Variants in KCNMA1 observed in about 807,000 individuals in gnomAD.
The protein encoded by KCNMA1 is potassium calcium-activated channel subfamily M alpha 1, also known as Calcium-activated potassium channel subunit alpha-1.
Under a neutral mutation model 140.0 loss-of-function variants are expected in KCNMA1, and 29 were observed. The observed-to-expected ratio is 0.21, with a 90% CI of 0.15 to 0.28. KCNMA1 has a LOEUF of 0.28. KCNMA1 is among the 10% of genes least tolerant of loss of function. The pLI is 1.00. For missense variants in KCNMA1, 880 were observed against 1,602.2 expected (o/e 0.55, Z 7.70); for synonymous variants, 612 against 611.9 (o/e 1.00, Z 0.00).
intron 1 of KCNMA1, among the ~76,000 whole-genome samples, chr10:77,525,355 C>T (rs775364350): frequency 6.6e-6 from 1 of 152,166 alleles, no homozygotes; most frequent in Non-Finnish European, 1.5e-5. Context: ...CTTCCAGATG[C>T]CTTGAGGCTT....
intron 2 of KCNMA1, among the ~76,000 whole-genome samples, chr10:77,381,873 G>C (rs1603448950): frequency 2.0e-5 from 3 of 152,262 alleles, no homozygotes; most frequent in African/African-American, 7.2e-5. Context: ...AAGGATGCTG[G>C]GCAACCCGGC....
In KCNMA1 at chr10:77,365,553, C is replaced by T. The variant is rs905178626; in HGVS notation, c.540+38309G>A. Among the ~76,000 whole-genome samples, 50 of 152,156 alleles carry T rather than the reference C, an allele frequency of 3.3e-4. 1 individual carries two copies. Among genetic ancestry groups the T allele is most frequent in the Admixed American group, 3.0e-3 (46 of 15,280 alleles). ...TTGGAGCAGGTGATAGTGTGGCTCC[C>T]GACAGGCTAGCCACTTTACAAGGAT... On this transcript the variant is annotated intron_variant, in intron 2 of 27. Coordinates refer to ENST00000286628, the MANE Select transcript of KCNMA1 (RefSeq NM_001161352.2).
intron 23 of KCNMA1, among the ~76,000 whole-genome samples, chr10:76,917,616 G>A (rs2053511488): frequency 6.6e-6 from 1 of 152,030 alleles, no homozygotes; most frequent in Admixed American, 6.5e-5. Context: ...TATGGTAGGT[G>A]TCCAAAGACA....
At chr10:77,179,139 G>A (rs1373463833) in intron 5 of KCNMA1, among the ~76,000 whole-genome samples, 2 of 152,114 alleles carry the variant, frequency 1.3e-5, no homozygotes, top group Non-Finnish European at 2.9e-5. Flanking sequence ...ACATTACCTC[G>A]GTGAATCCCT....
intron 1 of KCNMA1, among the ~76,000 whole-genome samples, chr10:77,609,915 G>A (rs192050856): frequency 5.4e-4 from 83 of 152,294 alleles, no homozygotes; most frequent in Non-Finnish European, 8.5e-4. Context: ...TTCCATAGCA[G>A]AAGCTGCAAG....
intron 19 of KCNMA1, chr10:76,995,588 T>C (rs531730874): frequency 4.2e-6 from 2 of 470,828 alleles, no homozygotes; most frequent in South Asian, 1.5e-5. Context: ...CCTGAGATAG[T>C]GGAGGAGGAT....
At chr10:77,315,910 G>A (rs550940196) in intron 2 of KCNMA1, among the ~76,000 whole-genome samples, 6 of 152,084 alleles carry the variant, frequency 3.9e-5, no homozygotes, top group South Asian at 2.1e-4. Context: ...GGTTCTCTGT[G>A]GGCAGGGACC....
chr10:76,906,656 G>C (rs1356471987), intron 25 of KCNMA1, among the ~76,000 whole-genome samples: 1 of 152,200 alleles, frequency 6.6e-6, no homozygotes, highest in Non-Finnish European at 1.5e-5. Context: ...TTGCTTATGA[G>C]TGAATGCCTG....
intron 1 of KCNMA1, among the ~76,000 whole-genome samples, chr10:77,496,986 T>C (rs2042188594): frequency 6.6e-6 from 1 of 152,166 alleles, no homozygotes; most frequent in South Asian, 2.1e-4. Context: ...CACCACCCTC[T>C]ACTCTGCTGA....
At chr10:77,530,840 T>G (rs1157222640) in intron 1 of KCNMA1, among the ~76,000 whole-genome samples, 2 of 152,184 alleles carry the variant, frequency 1.3e-5, no homozygotes, top group Non-Finnish European at 2.9e-5. Flanking sequence ...ATTGTCTCGA[T>G]TTTTTCAAAT....
intron 1 of KCNMA1, among the ~76,000 whole-genome samples, chr10:77,453,399 C>G (rs1458501916): frequency 1.3e-5 from 2 of 149,928 alleles, no homozygotes; most frequent in Non-Finnish European, 3.0e-5. Flanking sequence ...ATAATCTTAT[C>G]TCACCATTCA....
chr10:76,977,947 A>G, intron 19 of KCNMA1: 1 of 370,356 alleles, frequency 2.7e-6, no homozygotes, highest in Non-Finnish European at 4.9e-6. Context: ...AGCCCCGTAC[A>G]AGACAACAGA....
intron 1 of KCNMA1, among the ~76,000 whole-genome samples, chr10:77,584,230 A>T (rs1407698655): frequency 6.6e-6 from 1 of 152,186 alleles, no homozygotes; most frequent in Non-Finnish European, 1.5e-5. Flanking sequence ...GGGCCTTGGT[A>T]TTCACTACCC....
At chr10:77,182,182 T>C (rs12262785) in intron 5 of KCNMA1, among the ~76,000 whole-genome samples, 7,283 of 152,260 alleles carry the variant, frequency 0.048, 476 homozygotes, top group East Asian at 0.24. Flanking sequence ...CCTGGAACTA[T>C]TGATAGAATT....
intron 5 of KCNMA1, among the ~76,000 whole-genome samples, chr10:77,135,096 A>T (rs576594308): frequency 6.6e-6 from 1 of 151,538 alleles, no homozygotes; most frequent in East Asian, 1.9e-4. Context: ...AAAACTATAC[A>T]TCTGATAAGG....
At position 77,475,393 on chromosome 10, in the gene KCNMA1, TG is replaced by T. The variant is rs767907368; in HGVS notation, c.379-71371del. Among the ~76,000 whole-genome samples the T allele has an allele frequency of 2.7e-4, 41 of 152,242 alleles. 1 individual carries two copies. Among genetic ancestry groups the T allele is most frequent in the Admixed American group, 1.7e-3 (26 of 15,290 alleles). On this transcript the variant is annotated intron_variant, in intron 1 of 27. Transcript: ENST00000286628. ...CCACATTACTATACAGTCCTAAAGA[TG>T]CTTTAGGATTGTGGTTTCGTGCTGA...
At chr10:77,221,392 T>C (rs1472823975) in intron 3 of KCNMA1, among the ~76,000 whole-genome samples, 1 of 152,150 alleles carries the variant, frequency 6.6e-6, no homozygotes, top group Non-Finnish European at 1.5e-5. Context: ...CCCCATGAGC[T>C]AGCTGAAATT....
chr10:77,222,222 A>C (rs545423262), intron 3 of KCNMA1, among the ~76,000 whole-genome samples: 4 of 152,338 alleles, frequency 2.6e-5, no homozygotes, highest in Middle Eastern at 6.8e-3. Context: ...TACAAAGACA[A>C]TCAGATTGGG....
chr10:76,927,057 A>T (rs964834317), intron 23 of KCNMA1, among the ~76,000 whole-genome samples: 7 of 151,724 alleles, frequency 4.6e-5, no homozygotes, highest in African/African-American at 1.7e-4. Context: ...AATAGGAATG[A>T]CTCTAAGGCC....
Sources: gnomAD v4.1 joint callset for allele counts (sites outside exome capture counted in the v4.1 genomes callset) on GRCh38, gnomAD v4.1.1 for gene constraint, MANE v1.5 for transcripts, NCBI Gene and HGNC (gene_info 2026-07-23, HGNC 2026-07-21) for gene names.